DNAJC16: variants seen among roughly 807,000 people sequenced by gnomAD.
DNAJC16 encodes the protein dnaJ homolog subfamily C member 16.
Under a neutral mutation model 92.7 loss-of-function variants are expected in DNAJC16, and 76 were observed. That is an observed-to-expected ratio of 0.82 (90% CI 0.68 to 0.99). The LOEUF is 0.99. Ranked by LOEUF, DNAJC16 falls within the 50% of genes least tolerant of loss-of-function variation. The pLI, the probability that DNAJC16 is intolerant of heterozygous loss-of-function variation, is 0.00. For synonymous variants in DNAJC16, 328 were observed against 358.7 expected (o/e 0.91, Z 0.97); for missense variants, 869 against 942.4 (o/e 0.92, Z 1.02).
rs7540976 is a variant in DNAJC16, at chr1:15,557,291, G to T, written c.1024-2235G>T. On this transcript the variant is annotated intron_variant, in intron 7 of 14. Transcript: ENST00000375847. ...GTTTCTGGGTTTCGCTTTAAGGAAA[G>T]ATTTTTGACTACTGATTATTTAGGT... Among the ~76,000 whole-genome samples, 147 of 152,308 alleles carry T rather than the reference G, an allele frequency of 9.7e-4. 1 individual carries two copies. Among genetic ancestry groups the T allele is most frequent in the African/African-American group, 3.5e-3 (145 of 41,564 alleles).
intron 2 of DNAJC16, among the ~76,000 whole-genome samples, chr1:15,530,286 T>C (rs1313592152): frequency 6.7e-6 from 1 of 149,494 alleles, no homozygotes; most frequent in Non-Finnish European, 1.5e-5. Flanking sequence ...AGTTTGAGGC[T>C]GAAGTGAGCT....
chr1:15,542,882 G>A (rs1000408280), intron 4 of DNAJC16, among the ~76,000 whole-genome samples: 12 of 152,196 alleles, frequency 7.9e-5, no homozygotes, highest in African/African-American at 2.4e-4. Flanking sequence ...GATCGCTTGA[G>A]CCCAGGAGTT....
rs1638866528 is a variant in DNAJC16 at position 15,568,248 on chromosome 1, C to G, written c.*71C>G. The G allele has an allele frequency of 8.1e-7, 1 of 1,240,368 alleles. No homozygotes were observed. The highest frequency in any genetic ancestry group is 1.5e-5 in the African/African-American group (1 of 66,398). 76.8% of individuals were successfully genotyped at this position (1,240,368 alleles called of 1,614,324 possible). ...CCCCTGTGAACAGGTATTTTCAGGA[C>G]TCAAACTACCACAATGAACAGAGTA... On this transcript the variant is annotated 3_prime_UTR_variant, in exon 15 of 15. Transcript: ENST00000375847.
chr1:15,549,951 C>CT (rs2103416475), intron 7 of DNAJC16, among the ~76,000 whole-genome samples: 1 of 151,636 alleles, frequency 6.6e-6, no homozygotes, highest in Admixed American at 6.6e-5. Flanking sequence ...AATTGATAAA[C>CT]TTTATCATAG....
intron 11 of DNAJC16, chr1:15,565,622 C>A: frequency 3.0e-6 from 1 of 333,234 alleles, no homozygotes; most frequent in South Asian, 4.3e-5. Flanking sequence ...CATGTTTACA[C>A]CTTAAGTCCT....
chr1:15,534,557 A>G (rs1350047240), intron 3 of DNAJC16, among the ~76,000 whole-genome samples: 1 of 152,046 alleles, frequency 6.6e-6, no homozygotes, highest in African/African-American at 2.4e-5. Flanking sequence ...CCCTGTCTTT[A>G]CTAAAAATAC....
Position 15,544,558 on chromosome 1 carries a change from T to C in DNAJC16, c.734T>C (p.Leu245Pro), listed in dbSNP as rs745585913. Reference sequence around the variant, plus strand: ...AATCTGCGACAATTTGTAGAAAGTCTTCTTCCAGGGAACTTGGTGGAGAAA... The same window carrying C: ...AATCTGCGACAATTTGTAGAAAGTCCTCTTCCAGGGAACTTGGTGGAGAAA... ...RENLRQFVES[L>P]LPGNLVEKVT... The change falls in exon 5 of 15, where the codon CTT becomes CCT. Residue 245 changes from leucine (L) to proline (P), a missense_variant. Physicochemically the swap from Leu to Pro is moderately conservative, Grantham distance 98 (BLOSUM62 -3). Transcript: ENST00000375847. 6.2e-7 allele frequency: 1 copy of C among 1,614,186 alleles called. No homozygotes were observed. Among genetic ancestry groups the C allele is most frequent in the Admixed American group, 1.7e-5 (1 of 60,018 alleles).
At chr1:15,531,301 T>C (rs1710654328) in intron 2 of DNAJC16, among the ~76,000 whole-genome samples, 1 of 152,178 alleles carries the variant, frequency 6.6e-6, no homozygotes, top group African/African-American at 2.4e-5. Flanking sequence ...CTGGTTGAAA[T>C]AAAGGTAAAG....
intron 5 of DNAJC16, 45 bp downstream of exon 5, chr1:15,544,628 G>C (rs764440043): frequency 1.3e-6 from 2 of 1,595,602 alleles, no homozygotes; most frequent in South Asian, 2.3e-5. Flanking sequence ...TAGTTTAAGA[G>C]GTACCTAGGA....
chr1:15,548,288 A>G lies in DNAJC16; in HGVS notation c.883A>G (p.Lys295Glu), dbSNP rs1638360039. Reference protein sequence around the residue: ...LLYKLTAFAYKDYLSFGYVYV... With the variant: ...LLYKLTAFAYEDYLSFGYVYV... Reference sequence around the variant, plus strand: ...CTAACAGTTGACTGCCTTTGCATACAAAGATTATTTATCATTTGGATATGT... The same window carrying G: ...CTAACAGTTGACTGCCTTTGCATACGAAGATTATTTATCATTTGGATATGT... The change falls in exon 7 of 15, where the codon AAA becomes GAA. Residue 295 changes from lysine (K) to glutamate (E), a missense_variant. Lys to Glu is a moderately conservative substitution (Grantham distance 56). Transcript: ENST00000375847. 6.2e-7 allele frequency: 1 copy of G among 1,613,890 alleles called. No individual in the cohort carries two copies. Among genetic ancestry groups the G allele is most frequent in the Non-Finnish European group, 8.5e-7 (1 of 1,179,958 alleles).
In DNAJC16 at chr1:15,567,818, C is replaced by T. The variant is rs1009514845; in HGVS notation, c.1990C>T (p.His664Tyr). 2.7e-5 allele frequency: 43 copies of T among 1,614,002 alleles called. No individual in the cohort carries two copies. Among genetic ancestry groups the T allele is most frequent in the Non-Finnish European group, 3.1e-5 (37 of 1,180,008 alleles). ...LHFSFLSLDKHREWLEYLLEF... is the reference protein window; with the variant it reads ...LHFSFLSLDKYREWLEYLLEF... Reference sequence around the variant, plus strand: ...CTTCTCCTTCCTGAGTCTAGATAAACACAGAGAATGGCTAGAATACTTACT... The same window carrying T: ...CTTCTCCTTCCTGAGTCTAGATAAATACAGAGAATGGCTAGAATACTTACT... Residue 664 changes from histidine (H) to tyrosine (Y), a missense_variant, in exon 15 of 15, where the codon CAC (histidine) becomes TAC (tyrosine). Physicochemically the swap from His to Tyr is moderately conservative, Grantham distance 83. Transcript: ENST00000375847.
intron 13 of DNAJC16, 89 bp from the exon 14 acceptor site, chr1:15,567,010 C>T (rs543373337): frequency 1.3e-5 from 16 of 1,266,654 alleles, no homozygotes; most frequent in Non-Finnish European, 1.7e-5. Flanking sequence ...CTGGTTAGAA[C>T]ATAGCATTTT....
intron 6 of DNAJC16, 126 bp from the exon 7 acceptor site, chr1:15,548,144 G>GT: frequency 1.3e-6 from 1 of 792,950 alleles, no homozygotes; most frequent in Non-Finnish European, 2.0e-6. Flanking sequence ...GGATACGGAA[G>GT]ACCTAGTGGA....
chr1:15,528,980 A>G (rs1710588176), intron 1 of DNAJC16, 108 bp from the exon 2 acceptor site: 6 of 942,720 alleles, frequency 6.4e-6, no homozygotes, highest in Non-Finnish European at 6.2e-6. Context: ...CCTGCAAAAT[A>G]CCTTTTGTTG....
intron 7 of DNAJC16, among the ~76,000 whole-genome samples, chr1:15,553,349 C>T (rs1437661157): frequency 6.6e-6 from 1 of 151,986 alleles, no homozygotes; most frequent in Non-Finnish European, 1.5e-5. Flanking sequence ...ATTCTCCTGC[C>T]TCAGCCTCCT....
chr1:15,556,616 GCTAA>G (rs750558069), intron 7 of DNAJC16, among the ~76,000 whole-genome samples: 7 of 152,302 alleles, frequency 4.6e-5, no homozygotes, highest in African/African-American at 1.4e-4. Context: ...TTTTAGATCA[GCTAA>G]CTATGTAATC....
At chr1:15,530,468 GC>G (rs1710629070) in intron 2 of DNAJC16, among the ~76,000 whole-genome samples, 1 of 152,176 alleles carries the variant, frequency 6.6e-6, no homozygotes. Flanking sequence ...CAATGCCTTG[GC>G]CATGCCAAAG....
intron 8 of DNAJC16, among the ~76,000 whole-genome samples, chr1:15,560,680 G>GA (rs1638670217): frequency 6.6e-6 from 1 of 151,884 alleles, no homozygotes; most frequent in African/African-American, 2.4e-5. Context: ...TAAGAGCGAA[G>GA]AAAAAAATGA....
intron 4 of DNAJC16, among the ~76,000 whole-genome samples, chr1:15,542,009 G>GGC (rs905137328): frequency 5.3e-5 from 8 of 152,090 alleles, no homozygotes; most frequent in Non-Finnish European, 7.4e-5. Context: ...ACTCTTAGTG[G>GGC]GCCCCTGTGT....
Sources: gnomAD v4.1 joint callset for allele counts (sites outside exome capture counted in the v4.1 genomes callset) on GRCh38, gnomAD v4.1.1 for gene constraint, MANE v1.5 for transcripts, NCBI Gene and HGNC (gene_info 2026-07-23, HGNC 2026-07-21) for gene names.